The following CDH18 variants were observed in gnomAD, a reference collection of about 807,000 sequenced individuals.
CDH18 encodes cadherin 18, also known as cadherin-18.
A neutral mutation model predicts 67.9 loss-of-function variants in CDH18; 31 were observed. That is an observed-to-expected ratio of 0.46 (90% CI 0.34 to 0.62). CDH18 has a LOEUF of 0.62. CDH18 is among the 20% of genes least tolerant of loss of function. The pLI is 0.01. For synonymous variants in CDH18, 362 were observed against 347.2 expected, an observed-to-expected ratio of 1.04 and a Z score of -0.48; for missense variants, 890 against 975.5, an observed-to-expected ratio of 0.91 and a Z score of 1.17.
At chr5:19,603,772 C>T (rs1187023705) in intron 6 of CDH18, among the ~76,000 whole-genome samples, 2 of 149,730 alleles carry the variant, frequency 1.3e-5, no homozygotes. Flanking sequence ...GTGCATTTTT[C>T]AATTTTAGGC....
chr5:20,079,165 T>G (rs1015878344), intron 2 of CDH18, among the ~76,000 whole-genome samples: 3 of 152,100 alleles, frequency 2.0e-5, no homozygotes, highest in African/African-American at 7.2e-5. Flanking sequence ...AACTTATTCC[T>G]CCAATCTTAC....
intron 2 of CDH18, among the ~76,000 whole-genome samples, chr5:20,058,665 A>T (rs1742204009): frequency 6.6e-6 from 1 of 152,180 alleles, no homozygotes; most frequent in African/African-American, 2.4e-5. Context: ...ATCAAAATAC[A>T]CCTGTGAAGA....
At chr5:20,212,424 G>A (rs1168718465) in intron 2 of CDH18, among the ~76,000 whole-genome samples, 1 of 152,036 alleles carries the variant, frequency 6.6e-6, no homozygotes, top group African/African-American at 2.4e-5. Context: ...AGGAAATACA[G>A]AGAATGCCAC....
At chr5:20,553,045 G>A (rs1757723865) in intron 1 of CDH18, among the ~76,000 whole-genome samples, 1 of 152,094 alleles carries the variant, frequency 6.6e-6, no homozygotes, top group African/African-American at 2.4e-5. Context: ...GAGCCACCAT[G>A]CCTGGCTTAT....
intron 2 of CDH18, among the ~76,000 whole-genome samples, chr5:19,887,465 G>A (rs777047361): frequency 3.3e-5 from 5 of 151,682 alleles, no homozygotes; most frequent in Admixed American, 6.6e-5. Flanking sequence ...AGTGATTTAC[G>A]TTCTATTTAA....
At chr5:19,621,313 C>T (rs546925077) in intron 5 of CDH18, among the ~76,000 whole-genome samples, 44 of 151,402 alleles carry the variant, frequency 2.9e-4, no homozygotes, top group African/African-American at 1.1e-3. Flanking sequence ...CGTTTCATTC[C>T]CACCAACAGT....
At chr5:20,266,030 G>A (rs1220941199) in intron 1 of CDH18, among the ~76,000 whole-genome samples, 6 of 152,234 alleles carry the variant, frequency 3.9e-5, no homozygotes, top group South Asian at 4.1e-4. Context: ...CCTCCTCTTG[G>A]ATAGAGGCAC....
At chr5:20,262,967 A>G (rs1744762558) in intron 1 of CDH18, among the ~76,000 whole-genome samples, 1 of 135,762 alleles carries the variant, frequency 7.4e-6, no homozygotes, top group African/African-American at 2.7e-5. Flanking sequence ...AGAATGGGGG[A>G]AAGAAGGGAA....
intron 11 of CDH18, among the ~76,000 whole-genome samples, chr5:19,484,666 C>T (rs915097560): frequency 2.7e-4 from 41 of 152,202 alleles, no homozygotes; most frequent in African/African-American, 9.9e-4. Context: ...CCCCTTCCTG[C>T]ACTACTGACA....
At chr5:20,547,784 CAG>C (rs1757422940) in intron 1 of CDH18, among the ~76,000 whole-genome samples, 1 of 152,016 alleles carries the variant, frequency 6.6e-6, no homozygotes, top group Non-Finnish European at 1.5e-5. Flanking sequence ...AAGACTGAAG[CAG>C]AGTCAGTAAG....
chr5:19,567,547 G>A (rs1213537415), intron 8 of CDH18, among the ~76,000 whole-genome samples: 2 of 152,114 alleles, frequency 1.3e-5, no homozygotes, highest in Non-Finnish European at 2.9e-5. Flanking sequence ...GAGAAAGGTG[G>A]AAGTATAGGC....
chr5:19,562,460 A>G (rs1433380539), intron 8 of CDH18, among the ~76,000 whole-genome samples: 1 of 152,166 alleles, frequency 6.6e-6, no homozygotes, highest in Non-Finnish European at 1.5e-5. Flanking sequence ...ACAAAAAACA[A>G]AAAGAAGTGA....
chr5:19,914,911 G>A (rs936546083), intron 2 of CDH18, among the ~76,000 whole-genome samples: 16 of 151,876 alleles, frequency 1.1e-4, no homozygotes, highest in Admixed American at 1.3e-4. Context: ...ATTTTTTTGT[G>A]GTGATATTAT....
At chr5:19,603,030 T>C (rs1747409834) in intron 6 of CDH18, among the ~76,000 whole-genome samples, 1 of 152,100 alleles carries the variant, frequency 6.6e-6, no homozygotes, top group African/African-American at 2.4e-5. Context: ...CTTCTGGATA[T>C]ATACTTAAAA....
At chr5:20,125,959 G>T (rs1748784276) in intron 2 of CDH18, among the ~76,000 whole-genome samples, 1 of 152,070 alleles carries the variant, frequency 6.6e-6, no homozygotes, top group Admixed American at 6.6e-5. Context: ...AATAGAAAAA[G>T]AAATTCTAAA....
At chr5:19,693,389 A>G (rs187914540) in intron 5 of CDH18, among the ~76,000 whole-genome samples, 1 of 152,198 alleles carries the variant, frequency 6.6e-6, no homozygotes, top group African/African-American at 2.4e-5. Flanking sequence ...AAATTCAATT[A>G]TTACAACCAT....
chr5:20,550,120 C>A (rs1757551714), intron 1 of CDH18, among the ~76,000 whole-genome samples: 1 of 152,116 alleles, frequency 6.6e-6, no homozygotes, highest in Non-Finnish European at 1.5e-5. Context: ...TTTATCCTAC[C>A]TGTCACGTTT....
rs116738288 is a variant in CDH18, at chr5:19,986,588, T to C, written c.-376+1498A>G. 4.5e-3 allele frequency among the ~76,000 whole-genome samples: 688 copies of C among 152,314 alleles called. 4 individuals are homozygous for C. Among genetic ancestry groups the C allele is most frequent in the African/African-American group, 0.014 (594 of 41,568 alleles). ...CTCACCAAGGTGCACTAAGTGAATGTCTTCTAGGGGAAGTGCATCAGTTGA... is the reference window on the plus strand; with the variant it reads ...CTCACCAAGGTGCACTAAGTGAATGCCTTCTAGGGGAAGTGCATCAGTTGA... On this transcript the variant is annotated intron_variant, in intron 1 of 12. Transcript: ENST00000382275.
chr5:20,298,284 C>T (rs918624519), intron 1 of CDH18, among the ~76,000 whole-genome samples: 2 of 151,570 alleles, frequency 1.3e-5, no homozygotes, highest in African/African-American at 2.4e-5. Flanking sequence ...TTTATCATGC[C>T]CTGATCAATA....
Sources: gnomAD v4.1 joint callset for allele counts (sites outside exome capture counted in the v4.1 genomes callset) on GRCh38, gnomAD v4.1.1 for gene constraint, MANE v1.5 for transcripts, NCBI Gene and HGNC (gene_info 2026-07-23, HGNC 2026-07-21) for gene names.